GOT1: variants seen among roughly 807,000 people sequenced by gnomAD.
GOT1 encodes the protein glutamic-oxaloacetic transaminase 1.
Under a neutral mutation model 48.2 loss-of-function variants are expected in GOT1, and 25 were observed. The ratio of observed to expected loss-of-function variants is 0.52; its 90% CI spans 0.38 to 0.72. The LOEUF is 0.72. Among genes scored for constraint, GOT1 ranks in the 30% least tolerant of loss-of-function variants. GOT1 has a pLI of 0.00. For synonymous variants in GOT1, 188 were observed against 193.8 expected, an observed-to-expected ratio of 0.97 and a Z score of 0.25; for missense variants, 380 against 520.1, an observed-to-expected ratio of 0.73 and a Z score of 2.62.
intron 2 of GOT1, among the ~76,000 whole-genome samples, chr10:99,408,674 G>T (rs147805826): frequency 1.3e-5 from 2 of 152,066 alleles, no homozygotes; most frequent in Non-Finnish European, 2.9e-5. Flanking sequence ...AGCCAAGATC[G>T]CACCACTGCC....
intron 2 of GOT1, among the ~76,000 whole-genome samples, chr10:99,415,752 T>C (rs889336313): frequency 6.6e-6 from 1 of 152,120 alleles, no homozygotes; most frequent in Admixed American, 6.6e-5. Flanking sequence ...CCATGATCAA[T>C]GGGCTTCATC....
chr10:99,414,085 T>C (rs952051454), intron 2 of GOT1, among the ~76,000 whole-genome samples: 3 of 152,250 alleles, frequency 2.0e-5, no homozygotes, highest in Non-Finnish European at 2.9e-5. Flanking sequence ...AATTCACACA[T>C]AACAATATTA....
intron 2 of GOT1, among the ~76,000 whole-genome samples, chr10:99,413,305 G>A (rs1463320275): frequency 4.6e-5 from 7 of 152,214 alleles, no homozygotes; most frequent in Non-Finnish European, 1.0e-4. Context: ...ACAAGCTTCA[G>A]TAGCCGATTC....
rs1005599639 is a variant in GOT1, at chr10:99,402,728, G to A, written c.960-6C>T. On this transcript the variant is annotated splice_polypyrimidine_tract_variant and splice_region_variant and intron_variant, in intron 7 of 8. Coordinates refer to ENST00000370508, the MANE Select transcript of GOT1 (RefSeq NM_002079.3). ...TTGTCTTCACATTACCTGTCCTGAA[G>A]CATGGACAGTGACGTAAATACCAAT... is the stretch of plus-strand genomic sequence containing the variant. 1.2e-6 allele frequency: 2 copies of A among 1,611,922 alleles called. No homozygotes were observed. Among genetic ancestry groups the A allele is most frequent in the African/African-American group, 1.3e-5 (1 of 75,030 alleles).
intron 4 of GOT1, 104 bp from the exon 5 acceptor site, chr10:99,405,964 C>A: frequency 1.2e-6 from 1 of 805,058 alleles, no homozygotes; most frequent in South Asian, 1.4e-5. Flanking sequence ...CAACCATATT[C>A]TTGTCACTCT....
intron 2 of GOT1, among the ~76,000 whole-genome samples, chr10:99,416,035 A>T (rs9731375): frequency 0.45 from 68,903 of 151,884 alleles, 18,554 homozygotes; most frequent in Non-Finnish European, 0.59. Flanking sequence ...CGGGCACAAG[A>T]CAGGGATGTC....
At chr10:99,424,254 T>C (rs2033008932) in intron 1 of GOT1, among the ~76,000 whole-genome samples, 1 of 152,198 alleles carries the variant, frequency 6.6e-6, no homozygotes, top group South Asian at 2.1e-4. Context: ...AGTCAATTAT[T>C]TTTCGGGAAT....
At chr10:99,424,892 A>T (rs746528403) in intron 1 of GOT1, among the ~76,000 whole-genome samples, 1 of 152,224 alleles carries the variant, frequency 6.6e-6, no homozygotes, top group Non-Finnish European at 1.5e-5. Context: ...GGGGTCAGGC[A>T]TTAACAACAA....
chr10:99,405,638 C>A, intron 5 of GOT1, 118 bp downstream of exon 5: 1 of 621,768 alleles, frequency 1.6e-6, no homozygotes. Context: ...TTATTTTCTT[C>A]TTTGGACTTT....
At chr10:99,406,614 C>A in intron 3 of GOT1, 112 bp downstream of exon 3, 1 of 1,065,604 alleles carries the variant, frequency 9.4e-7, no homozygotes, top group Non-Finnish European at 1.4e-6. Flanking sequence ...AAGCCATTCC[C>A]AACAGTCAGT....
At chr10:99,409,219 G>A (rs748351677) in intron 2 of GOT1, among the ~76,000 whole-genome samples, 4 of 151,614 alleles carry the variant, frequency 2.6e-5, no homozygotes, top group African/African-American at 9.7e-5. Context: ...TGCAACCTCC[G>A]CCTCCTGGGT....
chr10:99,397,031 C>A lies in GOT1; in HGVS notation c.*516G>T. On this transcript the variant is annotated 3_prime_UTR_variant, in exon 9 of 9. Coordinates refer to ENST00000370508, the MANE Select transcript of GOT1 (RefSeq NM_002079.3). This position sits in a 1 kb window ranked among gnomAD's most constrained non-coding sequence, Gnocchi z 5.4. ...TCCGTGCATGTCATGATTAAATATC[C>A]TTCTTACCACAGTCACCCTAAAGAA... 1 of 155,302 alleles carries A rather than the reference C, an allele frequency of 6.4e-6. No individual in the cohort carries two copies. Among genetic ancestry groups the A allele is most frequent in the Admixed American group, 6.2e-5 (1 of 16,036 alleles). 9.6% of individuals were successfully genotyped at this position (155,302 alleles called of 1,614,324 possible).
At position 99,403,356 on chromosome 10, in the gene GOT1, T is replaced by C. The variant is rs2032708987; in HGVS notation, c.959+113A>G. On this transcript the variant is annotated intron_variant, in intron 7 of 8. Transcript: ENST00000370508. ...TATCTGAGAGTCAAAGAAGTTAAAGTAATTTTATCCTGCTTCTGCCAAAAT... is the reference window on the plus strand; with the variant it reads ...TATCTGAGAGTCAAAGAAGTTAAAGCAATTTTATCCTGCTTCTGCCAAAAT... The C allele has an allele frequency of 4.6e-6, 4 of 860,594 alleles. No homozygotes were observed. The South Asian group carries it at 7.2e-5, about 15-fold the overall frequency. 53.3% of individuals were successfully genotyped at this position (860,594 alleles called of 1,614,324 possible).
chr10:99,427,314 G>A (rs2033051442), intron 1 of GOT1, among the ~76,000 whole-genome samples: 1 of 152,024 alleles, frequency 6.6e-6, no homozygotes, highest in South Asian at 2.1e-4. Context: ...TGTTGCCCAG[G>A]CTGGAGTGCA....
intron 8 of GOT1, among the ~76,000 whole-genome samples, chr10:99,401,205 A>G (rs1223596219): frequency 1.3e-5 from 2 of 152,226 alleles, no homozygotes; most frequent in Non-Finnish European, 2.9e-5. Flanking sequence ...TAATATTTTT[A>G]TAATTGTGAG....
chr10:99,403,448 A>G, intron 7 of GOT1, 21 bp downstream of exon 7: 5 of 1,598,446 alleles, frequency 3.1e-6, no homozygotes, highest in Non-Finnish European at 4.3e-6. Context: ...CCCCCGGCCC[A>G]CCAGACTGGG....
At chr10:99,424,345 A>G (rs1464841133) in intron 1 of GOT1, among the ~76,000 whole-genome samples, 1 of 152,214 alleles carries the variant, frequency 6.6e-6, no homozygotes, top group East Asian at 1.9e-4. Context: ...TTAAAAAATG[A>G]TCCCTTGTGT....
intron 2 of GOT1, among the ~76,000 whole-genome samples, chr10:99,418,139 G>A (rs893998346): frequency 3.3e-5 from 5 of 151,890 alleles, no homozygotes; most frequent in Non-Finnish European, 7.4e-5. Flanking sequence ...TAGATGCCAA[G>A]AGAGTATCCA....
chr10:99,424,835 T>C (rs777082988), intron 1 of GOT1, among the ~76,000 whole-genome samples: 5 of 152,204 alleles, frequency 3.3e-5, no homozygotes, highest in Non-Finnish European at 1.5e-5. Flanking sequence ...CTCTCCTAAC[T>C]GCCCTAGTGA....
Sources: allele counts gnomAD v4.1 joint callset (sites outside exome capture counted in the v4.1 genomes callset), GRCh38; gene constraint gnomAD v4.1.1; non-coding constraint Gnocchi (gnomAD v3.1); transcripts MANE v1.5; gene names NCBI Gene and HGNC (gene_info 2026-07-23, HGNC 2026-07-21).